The following MMEL1 variants were observed in gnomAD, a reference collection of about 807,000 sequenced individuals.
MMEL1 encodes the protein membrane metalloendopeptidase like 1, also known as membrane metallo-endopeptidase-like 1.
A neutral mutation model predicts 117.1 loss-of-function variants in MMEL1; 98 were observed. That is an observed-to-expected ratio of 0.84 (90% confidence interval 0.71 to 0.99). The LOEUF (loss-of-function observed/expected upper bound fraction) is 0.99. Ranked by LOEUF, MMEL1 falls within the 50% of genes least tolerant of loss-of-function variation. The probability of loss-of-function intolerance (pLI) is 0.00; values close to 1 mark genes in which losing one functional copy is unlikely to be tolerated. For missense variants in MMEL1, 1,014 were observed against 1,049.1 expected (o/e 0.97, Z 0.46); for synonymous variants, 390 against 415.1 (o/e 0.94, Z 0.74).
At chr1:2,602,875 T>G (rs1251988645) in intron 11 of MMEL1, among the ~76,000 whole-genome samples, 4 of 147,680 alleles carry the variant, frequency 2.7e-5, no homozygotes, top group Non-Finnish European at 4.4e-5. Flanking sequence ...GAGCTCATCC[T>G]GCCCCCTTTC....
At chr1:2,602,644 A>T (rs1226441061) in intron 11 of MMEL1, among the ~76,000 whole-genome samples, 1 of 149,708 alleles carries the variant, frequency 6.7e-6, no homozygotes, top group Non-Finnish European at 1.5e-5. Context: ...TCATACCCCC[A>T]CTCCTCTCGG....
chr1:2,611,294 G>T lies in MMEL1; in HGVS notation c.279C>A (p.Gly93=). The T allele has an allele frequency of 6.3e-7, 1 of 1,578,828 alleles. No homozygotes were observed. Among genetic ancestry groups the T allele is most frequent in the Admixed American group, 1.8e-5 (1 of 55,666 alleles). ...GGCGGGGCTTACCTGCTATCACGCA[G>T]CCAGGGGTGGTGCAGACCTCGCTCA... ...QEVSEVCTTP[G]CVIAAARILQ... Residue 93 remains glycine (G), a synonymous_variant, in exon 4 of 24, where the codon GGC becomes GGA. Transcript: ENST00000378412.
chr1:2,603,594 T>G (rs1183027934), intron 11 of MMEL1, among the ~76,000 whole-genome samples: 1 of 152,142 alleles, frequency 6.6e-6, no homozygotes, highest in Non-Finnish European at 1.5e-5. Flanking sequence ...AGCAGCCCCC[T>G]GAGGCCTCCG....
At chr1:2,626,406 C>T (rs1477207972) in intron 2 of MMEL1, among the ~76,000 whole-genome samples, 1 of 152,228 alleles carries the variant, frequency 6.6e-6, no homozygotes, top group South Asian at 2.1e-4. Flanking sequence ...TGGGGTTGGA[C>T]TTCTGTAAAA....
intron 6 of MMEL1, among the ~76,000 whole-genome samples, chr1:2,608,423 C>G (rs1160751007): frequency 1.3e-5 from 2 of 151,948 alleles, no homozygotes; most frequent in African/African-American, 4.8e-5. Context: ...GCCCCCCACA[C>G]CACACACACA....
At chr1:2,593,147 T>C (rs1644770568) in intron 19 of MMEL1, among the ~76,000 whole-genome samples, 181 bp from the exon 20 acceptor site, 1 of 152,170 alleles carries the variant, frequency 6.6e-6, no homozygotes, top group Non-Finnish European at 1.5e-5. Context: ...AGCAGCTGTC[T>C]GGGGCTACAC....
rs1398881054 is a variant in MMEL1 at position 2,629,376 on chromosome 1, T to A, written c.109A>T (p.Thr37Ser). Residue 37 changes from threonine (T) to serine (S), a missense_variant, in exon 2 of 24, where the codon ACC becomes TCC. Thr to Ser is a moderately conservative substitution (Grantham distance 58). Transcript: ENST00000378412. Reference protein sequence around the residue: ...GGLLLLLLLVTAALVALGVLY... With the variant: ...GGLLLLLLLVSAALVALGVLY... ...ACACCCAAGGCCACCAGGGCAGCGG[T>A]CACCAGCAGCAGCAGCAGCAGCAGC... is the stretch of plus-strand genomic sequence containing the variant. 4 of 1,544,896 alleles carry A rather than the reference T, an allele frequency of 2.6e-6. No individual in the cohort carries two copies. The highest frequency in any genetic ancestry group is 3.5e-6 in the Non-Finnish European group (4 of 1,146,152).
In MMEL1 at chr1:2,598,728, T is replaced by C. The variant is rs1292843848; in HGVS notation, c.1104A>G (p.Pro368=). The change falls in exon 12 of 24, where the codon CCA becomes CCG. Residue 368 remains proline (P), a synonymous_variant. Coordinates refer to ENST00000378412, the MANE Select transcript of MMEL1 (RefSeq NM_033467.4). The part of the protein sequence containing the change: ...VLSSVKIKLL[P]DEEVVVYGIP... ...TGCCATAGACCACCACTTCCTCATCTGGCAGCAGCTTGATTTTGACAGAGG... is the reference window on the plus strand; with the variant it reads ...TGCCATAGACCACCACTTCCTCATCCGGCAGCAGCTTGATTTTGACAGAGG... 2 of 1,614,158 alleles carry C rather than the reference T, an allele frequency of 1.2e-6. No individual in the cohort carries two copies. Among genetic ancestry groups the C allele is most frequent in the Non-Finnish European group, 1.7e-6 (2 of 1,180,008 alleles).
At chr1:2,621,193 G>A (rs755180310) in intron 2 of MMEL1, among the ~76,000 whole-genome samples, 9 of 152,208 alleles carry the variant, frequency 5.9e-5, no homozygotes, top group Non-Finnish European at 1.3e-4. Context: ...GCTGAGGTGG[G>A]AGGATCACTT....
In MMEL1 at chr1:2,606,182, T is replaced by G. The variant is rs991773071; in HGVS notation, c.750+66A>C. ...GTCGGCCTGGCCCATCCTTCTGCTG[T>G]GCTGCAAGAGCCCCCAGCCAGGCTT... On this transcript the variant is annotated intron_variant, in intron 8 of 23. Transcript: ENST00000378412. 3.1e-6 allele frequency: 4 copies of G among 1,302,234 alleles called. No individual in the cohort carries two copies. The African/African-American group carries it at 5.8e-5, about 19-fold the overall frequency. The allele number at this position is 1,302,234 out of a possible 1,614,324, so 80.7% of individuals were successfully genotyped here. A position where few individuals can be genotyped will look rare whatever the true frequency, so the allele number is the denominator to read the frequency against.
intron 9 of MMEL1, 69 bp downstream of exon 9, chr1:2,605,489 G>C: frequency 4.3e-6 from 6 of 1,396,252 alleles, no homozygotes; most frequent in Non-Finnish European, 6.1e-6. Context: ...GGTGGGCAAC[G>C]GGAAGGCCAG....
chr1:2,605,171 T>A (rs1645001971), intron 9 of MMEL1, among the ~76,000 whole-genome samples: 1 of 151,992 alleles, frequency 6.6e-6, no homozygotes, highest in South Asian at 2.1e-4. Flanking sequence ...TCCTCATCCC[T>A]CCCCTCTCTT....
At chr1:2,603,622 C>T (rs996374885) in intron 11 of MMEL1, among the ~76,000 whole-genome samples, 2 of 149,330 alleles carry the variant, frequency 1.3e-5, no homozygotes, top group Non-Finnish European at 3.0e-5. Context: ...CTCAGAAGAC[C>T]GGGGCCATCA....
At chr1:2,607,615 T>C (rs1007239720) in intron 6 of MMEL1, among the ~76,000 whole-genome samples, 1 of 151,934 alleles carries the variant, frequency 6.6e-6, no homozygotes, top group Non-Finnish European at 1.5e-5. Context: ...ATAGTCACTG[T>C]GGGAATAAGT....
At chr1:2,631,398 C>T (rs1228023066) in intron 1 of MMEL1, among the ~76,000 whole-genome samples, 1 of 152,002 alleles carries the variant, frequency 6.6e-6, no homozygotes, top group Non-Finnish European at 1.5e-5. Flanking sequence ...TGTACCCCAC[C>T]GCCCCCCTGC....
Position 2,593,864 on chromosome 1 carries a change from C to A in MMEL1, c.1817G>T (p.Gly606Val), listed in dbSNP as rs1269426917. The A allele has an allele frequency of 6.2e-7, 1 of 1,612,718 alleles. No individual in the cohort carries two copies. The highest frequency in any genetic ancestry group is 1.7e-5 in the Admixed American group (1 of 59,896). ...KEQPQALNFG[G>V]IGMVIGHEIT... ...CTCGTGCCCGATCACCATCCCAATG[C>A]CTCCAAAGTTCAAGGCCTGTGGCTG... is the stretch of plus-strand genomic sequence containing the variant. Residue 606 changes from glycine to valine, a missense_variant, in exon 19 of 24, where the codon GGC becomes GTC. Physicochemically the swap from Gly to Val is moderately radical, Grantham distance 109 (BLOSUM62 -3). Transcript: ENST00000378412.
chr1:2,633,004 G>T lies in MMEL1; in HGVS notation c.-176C>A, dbSNP rs1316597236. The T allele has an allele frequency of 7.1e-6, 7 of 985,784 alleles. No homozygotes were observed. The highest frequency in any genetic ancestry group is 8.4e-6 in the Non-Finnish European group (7 of 830,320). The allele number at this position is 985,784 out of a possible 1,614,324, so 61.1% of individuals were successfully genotyped here. ...TGGGAGAGCAGTGGCTTGGGGCTGA[G>T]TTGAGGCTGCCTGAAGGCTTCTGGG... On this transcript the variant is annotated 5_prime_UTR_variant, in exon 1 of 24. Coordinates refer to ENST00000378412, the MANE Select transcript of MMEL1 (RefSeq NM_033467.4).
intron 11 of MMEL1, among the ~76,000 whole-genome samples, chr1:2,602,842 A>C (rs757015419): frequency 1.3e-5 from 2 of 151,846 alleles, no homozygotes; most frequent in Non-Finnish European, 2.9e-5. Context: ...GCAAGGCTTT[A>C]CCTCCTGTCT....
rs755031157 is a variant in MMEL1 at position 2,596,044 on chromosome 1, T to C, written c.1465A>G (p.Met489Val). The C allele has an allele frequency of 6.2e-7, 1 of 1,613,990 alleles. No homozygotes were observed. Among genetic ancestry groups the C allele is most frequent in the Non-Finnish European group, 8.5e-7 (1 of 1,179,956 alleles). ...GCCTTCTTCTTGGACTCCTCGTCCA[T>C]CCAGCCCAGCTCGTCCAGCGTCTCC... Reference protein sequence around the residue: ...FVETLDELGWMDEESKKKAQE... With the variant: ...FVETLDELGWVDEESKKKAQE... The change falls in exon 15 of 24, where the codon ATG becomes GTG. Residue 489 changes from methionine to valine, a missense_variant. Physicochemically the swap from Met to Val is conservative, Grantham distance 21. Transcript: ENST00000378412.
Sources: allele counts gnomAD v4.1 joint callset (sites outside exome capture counted in the v4.1 genomes callset), GRCh38; gene constraint gnomAD v4.1.1; transcripts MANE v1.5; gene names NCBI Gene and HGNC (gene_info 2026-07-23, HGNC 2026-07-21).